Variants in PPP1R12B observed in about 807,000 individuals in gnomAD.
The protein encoded by PPP1R12B is protein phosphatase 1 regulatory subunit 12B, also known as myosin phosphatase target subunit 2.
A neutral mutation model predicts 126.1 loss-of-function variants in PPP1R12B; 76 were observed. The ratio of observed to expected loss-of-function variants is 0.60; its 90% CI spans 0.50 to 0.73. The LOEUF (loss-of-function observed/expected upper bound fraction) is 0.73. Among genes scored for constraint, PPP1R12B ranks in the 30% least tolerant of loss-of-function variants. The probability of loss-of-function intolerance (pLI) is 0.00; values close to 1 mark genes in which losing one functional copy is unlikely to be tolerated. For synonymous variants in PPP1R12B, 356 were observed against 434.7 expected, an observed-to-expected ratio of 0.82 and a Z score of 2.25; for missense variants, 1,052 against 1,205.1, an observed-to-expected ratio of 0.87 and a Z score of 1.88.
chr1:202,441,304 C>G (rs542628488), intron 11 of PPP1R12B, among the ~76,000 whole-genome samples: 90 of 152,146 alleles, frequency 5.9e-4, no homozygotes, highest in African/African-American at 2.0e-3. Flanking sequence ...TTGGCATCAC[C>G]CGGGTACATT....
chr1:202,482,335 C>A (rs904288900), intron 13 of PPP1R12B, among the ~76,000 whole-genome samples: 5 of 152,204 alleles, frequency 3.3e-5, no homozygotes, highest in African/African-American at 1.2e-4. Context: ...AATGGCTGTA[C>A]TAGCTTACAG....
At position 202,493,107 on chromosome 1, in the gene PPP1R12B, T is replaced by C. The variant is rs746881932; in HGVS notation, c.1942-7T>C. On this transcript the variant is annotated splice_polypyrimidine_tract_variant and splice_region_variant and intron_variant, in intron 14 of 23. Coordinates refer to ENST00000608999, the MANE Select transcript of PPP1R12B (RefSeq NM_002481.4). ...GAAACAGCCCTGATCTTGTGATATT[T>C]TCCCAGGGTGTCACCCTAACAGACC... 18 of 1,611,234 alleles carry C rather than the reference T, an allele frequency of 1.1e-5. 1 individual carries two copies. In the South Asian group the frequency reaches 2.0e-4, roughly 18 times the overall value.
intron 23 of PPP1R12B, among the ~76,000 whole-genome samples, chr1:202,573,940 A>G (rs1349058805): frequency 2.0e-5 from 3 of 152,176 alleles, no homozygotes; most frequent in Non-Finnish European, 2.9e-5. Context: ...AACTGAGACA[A>G]AGAAAGCATG....
rs369084682 is a variant in PPP1R12B, at chr1:202,524,855, A to G, written c.2490+28033A>G. On this transcript the variant is annotated intron_variant, in intron 18 of 23. Coordinates refer to ENST00000608999, the MANE Select transcript of PPP1R12B (RefSeq NM_002481.4). ...ATGCATGTGCAAGTATTTTTTTCGT[A>G]TAATGACTTCTTAGGAATCCAATTT... Among the ~76,000 whole-genome samples, 4 of 152,250 alleles carry G rather than the reference A, an allele frequency of 2.6e-5. No individual in the cohort carries two copies. In the East Asian group the frequency reaches 7.7e-4, roughly 29 times the overall value.
chr1:202,456,639 T>G (rs1272806164), intron 13 of PPP1R12B, among the ~76,000 whole-genome samples: 1 of 152,192 alleles, frequency 6.6e-6, no homozygotes, highest in Non-Finnish European at 1.5e-5. Flanking sequence ...AAAAGGGTAC[T>G]TTGCCCATAG....
At chr1:202,580,370 T>C (rs1006291275) in intron 23 of PPP1R12B, 104 bp from the exon 24 acceptor site, 4 of 774,886 alleles carry the variant, frequency 5.2e-6, no homozygotes, top group Non-Finnish European at 9.1e-6. Context: ...ATTCCACACA[T>C]TGTCTCAAAA....
chr1:202,437,607 G>A (rs1336604007), intron 9 of PPP1R12B, among the ~76,000 whole-genome samples: 1 of 152,168 alleles, frequency 6.6e-6, no homozygotes, highest in Non-Finnish European at 1.5e-5. Context: ...AGAATCCGAG[G>A]CTATTTTTGG....
intron 18 of PPP1R12B, among the ~76,000 whole-genome samples, chr1:202,549,601 G>T (rs375506888): frequency 1.3e-5 from 2 of 151,898 alleles, no homozygotes; most frequent in Non-Finnish European, 2.9e-5. Context: ...TGTATTTTTA[G>T]TAGAGACGGG....
chr1:202,452,421 G>C (rs980927793), intron 13 of PPP1R12B, among the ~76,000 whole-genome samples: 2 of 152,220 alleles, frequency 1.3e-5, no homozygotes, highest in African/African-American at 4.8e-5. Flanking sequence ...GTGGCGGCGT[G>C]CGCCTGCAAT....
intron 1 of PPP1R12B, among the ~76,000 whole-genome samples, chr1:202,374,494 T>TC (rs386369338): frequency 1.3e-4 from 1 of 7,478 alleles, no homozygotes; most frequent in Non-Finnish European, 1.1e-3. Flanking sequence ...TGTCTCTCTC[T>TC]TTTTTTTTTT....
intron 1 of PPP1R12B, among the ~76,000 whole-genome samples, chr1:202,384,932 C>T (rs897528172): frequency 2.0e-5 from 3 of 152,222 alleles, no homozygotes; most frequent in African/African-American, 7.2e-5. Flanking sequence ...TACATTTCCA[C>T]TTACAATTGC....
At chr1:202,377,843 T>TG (rs1045031030) in intron 1 of PPP1R12B, among the ~76,000 whole-genome samples, 3 of 48,438 alleles carry the variant, frequency 6.2e-5, no homozygotes, top group African/African-American at 8.8e-5. Flanking sequence ...TTTTTTTTTT[T>TG]TTTTTTTTTT....
chr1:202,529,177 A>G (rs966241910), intron 18 of PPP1R12B, among the ~76,000 whole-genome samples: 2 of 152,184 alleles, frequency 1.3e-5, no homozygotes, highest in Non-Finnish European at 2.9e-5. Context: ...CACGTAGACA[A>G]CTAATAAATG....
At chr1:202,349,684 C>G (rs1338712157) in intron 1 of PPP1R12B, among the ~76,000 whole-genome samples, 1 of 152,154 alleles carries the variant, frequency 6.6e-6, no homozygotes, top group Non-Finnish European at 1.5e-5. Context: ...GCTACAGCTC[C>G]TAGAACACGC....
intron 1 of PPP1R12B, among the ~76,000 whole-genome samples, chr1:202,414,396 C>G (rs1667799122): frequency 6.6e-6 from 1 of 152,208 alleles, no homozygotes; most frequent in African/African-American, 2.4e-5. Flanking sequence ...GTGTGATTTT[C>G]TAACACTATG....
chr1:202,440,673 C>T (rs79725731), intron 10 of PPP1R12B, 33 bp from the exon 11 acceptor site: 12 of 1,526,040 alleles, frequency 7.9e-6, no homozygotes, highest in East Asian at 6.8e-5. Context: ...AGTATTGTAC[C>T]TTTCTTGTGC....
In PPP1R12B at chr1:202,580,868, G is replaced by A. The variant is rs1351367855; in HGVS notation, c.*308G>A. 2 of 301,440 alleles carry A rather than the reference G, an allele frequency of 6.6e-6. No individual in the cohort carries two copies. Among genetic ancestry groups the A allele is most frequent in the Admixed American group, 4.1e-5 (1 of 24,518 alleles). 18.7% of individuals were successfully genotyped at this position (301,440 alleles called of 1,614,324 possible). A position where few individuals can be genotyped will look rare whatever the true frequency, so the allele number is the denominator to read the frequency against. On this transcript the variant is annotated 3_prime_UTR_variant, in exon 24 of 24. Transcript: ENST00000608999. Reference sequence around the variant, plus strand: ...GCTGTGGACCCCTCAACTTCCTGCTGCTCAGCTACTTTGTCCACATTGGAT... The same window carrying A: ...GCTGTGGACCCCTCAACTTCCTGCTACTCAGCTACTTTGTCCACATTGGAT...
At chr1:202,408,843 C>CTTTTTTT (rs35632865) in intron 1 of PPP1R12B, among the ~76,000 whole-genome samples, 4 of 113,328 alleles carry the variant, frequency 3.5e-5, no homozygotes, top group Admixed American at 2.0e-4. Context: ...TTATTTCTTT[C>CTTTTTTT]TTTTTTTTTT....
chr1:202,548,808 CTATATAT>C (rs1685984111), intron 18 of PPP1R12B, among the ~76,000 whole-genome samples: 1 of 72,970 alleles, frequency 1.4e-5, no homozygotes, highest in Non-Finnish European at 2.8e-5. Context: ...CTCTCTCTCT[CTATATAT>C]ATATATATAT....
Sources: gnomAD v4.1 joint callset for allele counts (sites outside exome capture counted in the v4.1 genomes callset) on GRCh38, gnomAD v4.1.1 for gene constraint, MANE v1.5 for transcripts, NCBI Gene and HGNC (gene_info 2026-07-23, HGNC 2026-07-21) for gene names.